Variants in DYNC2H1 observed in about 807,000 individuals in gnomAD.
DYNC2H1 encodes the protein cytoplasmic dynein 2 heavy chain 1.
Under a neutral mutation model 570.0 loss-of-function variants are expected in DYNC2H1, and 410 were observed. The observed-to-expected ratio is 0.72, with a 90% CI of 0.66 to 0.78. The LOEUF (loss-of-function observed/expected upper bound fraction) is 0.78. DYNC2H1 is among the 30% of genes least tolerant of loss of function. The pLI, the probability that DYNC2H1 is intolerant of heterozygous loss-of-function variation, is 0.00. For synonymous variants in DYNC2H1, 1,688 were observed against 1,677.6 expected (o/e 1.01, Z -0.15); for missense variants, 4,865 against 5,046.4 (o/e 0.96, Z 1.09).
chr11:103,257,397 AG>A (rs1463955021), intron 68 of DYNC2H1, among the ~76,000 whole-genome samples: 1 of 152,204 alleles, frequency 6.6e-6, no homozygotes, highest in African/African-American at 2.4e-5. Flanking sequence ...TATTCTTTGC[AG>A]TTTTATAAAA....
intron 84 of DYNC2H1, among the ~76,000 whole-genome samples, chr11:103,413,634 CTTTG>C (rs1462374300): frequency 2.0e-5 from 3 of 152,136 alleles, no homozygotes; most frequent in Non-Finnish European, 2.9e-5. Flanking sequence ...CAGTTATCAG[CTTTG>C]TTTGTTTGAA....
Position 103,204,573 on chromosome 11 carries a change from ACAC to A in DYNC2H1, c.8312-244_8312-242del, listed in dbSNP as rs1862851228. 6.6e-6 allele frequency among the ~76,000 whole-genome samples: 1 copy of A among 152,152 alleles called. No homozygotes were observed. On this transcript the variant is annotated intron_variant, in intron 51 of 88. Transcript: ENST00000375735. The surrounding 1 kb of genome is among the most constrained non-coding windows in gnomAD (Gnocchi z 4.1). ...ATAAGTAAAAAATGAGGCAATAATC[ACAC>A]CACCCAGACATTATGACACTTACAT... is the stretch of plus-strand genomic sequence containing the variant.
At chr11:103,408,092 A>G (rs751331661) in intron 84 of DYNC2H1, 3 of 151,948 alleles carry the variant, frequency 2.0e-5, no homozygotes, top group Non-Finnish European at 4.4e-5. Flanking sequence ...TAAAATTAAT[A>G]AGAGGATCCG....
Position 103,255,628 on chromosome 11 carries a change from A to G in DYNC2H1, c.10326+94A>G, listed in dbSNP as rs1000762945. 51 of 1,323,380 alleles carry G rather than the reference A, an allele frequency of 3.9e-5. 1 individual carries two copies. The highest frequency in any genetic ancestry group is 4.8e-5 in the Non-Finnish European group (48 of 998,186). 82.0% of individuals were successfully genotyped at this position (1,323,380 alleles called of 1,614,324 possible). On this transcript the variant is annotated intron_variant, in intron 67 of 88. Transcript: ENST00000375735. The stretch of plus-strand genomic sequence containing the variant: ...TTTGGAAAATTAATAGTATCTTCAG[A>G]TTTTTTTTTCCAAAGACATATTAGT...
rs1461017292 is a variant in DYNC2H1 at position 103,472,748 on chromosome 11, T to C, written c.12765+4043T>C. ...AGGAATTGTAATCTCCATTTTAAAG[T>C]AGAAAATGGAGGTTTAAAAGATTAT... On this transcript the variant is annotated intron_variant, in intron 88 of 88. Transcript: ENST00000375735. This position sits in a 1 kb window ranked among gnomAD's most constrained non-coding sequence, Gnocchi z 4.1. Among the ~76,000 whole-genome samples the C allele has an allele frequency of 1.3e-5, 2 of 152,098 alleles. No individual in the cohort carries two copies.
rs550255734 is a variant in DYNC2H1 at position 103,439,832 on chromosome 11, A to G, written c.12456+3800A>G. On this transcript the variant is annotated intron_variant, in intron 85 of 88. Coordinates refer to ENST00000375735, the MANE Select transcript of DYNC2H1 (RefSeq NM_001377.3). This position sits in a 1 kb window ranked among gnomAD's most constrained non-coding sequence, Gnocchi z 4.1. The stretch of plus-strand genomic sequence containing the variant: ...AACAAATGAATGGACTGGACAGATT[A>G]CTCTCTTTGGGGAACTTAGAATTAT... Among the ~76,000 whole-genome samples, 20 of 152,192 alleles carry G rather than the reference A, an allele frequency of 1.3e-4. No individual in the cohort carries two copies. The highest frequency in any genetic ancestry group is 4.6e-4 in the African/African-American group (19 of 41,516).
rs75994449 is a variant in DYNC2H1, at chr11:103,173,848, A to G, written c.5559-207A>G. Among the ~76,000 whole-genome samples the G allele has an allele frequency of 0.02, 3,066 of 152,230 alleles. 45 individuals carry two copies. The highest frequency in any genetic ancestry group is 0.058 in the Middle Eastern group (17 of 292). On this transcript the variant is annotated intron_variant, in intron 35 of 88. Transcript: ENST00000375735. ...CATTAAGATAATTAGCTTGTTCATA[A>G]AAGCTTTATCCTACCCTTGAGAACC...
intron 66 of DYNC2H1, among the ~76,000 whole-genome samples, chr11:103,253,675 ACT>A (rs1201877287): frequency 2.0e-5 from 3 of 152,182 alleles, no homozygotes; most frequent in African/African-American, 7.2e-5. Context: ...TTTTAATATA[ACT>A]CTAATTTTAA....
rs116787428 is a variant in DYNC2H1, at chr11:103,264,326, A to G, written c.10695+4349A>G. On this transcript the variant is annotated intron_variant, in intron 70 of 88. Coordinates refer to ENST00000375735, the MANE Select transcript of DYNC2H1 (RefSeq NM_001377.3). The surrounding 1 kb of genome is among the most constrained non-coding windows in gnomAD (Gnocchi z 4.8). ...TCTGAAACTATTCCATGCAATAGAAAAAGAGGGACCCCTACCTAACTCATT... is the reference window on the plus strand; with the variant it reads ...TCTGAAACTATTCCATGCAATAGAAGAAGAGGGACCCCTACCTAACTCATT... Among the ~76,000 whole-genome samples, 1,793 of 152,338 alleles carry G rather than the reference A, an allele frequency of 0.012. 37 individuals carry two copies. The highest frequency in any genetic ancestry group is 0.04 in the African/African-American group (1,662 of 41,576).
intron 31 of DYNC2H1, 77 bp from the exon 32 acceptor site, chr11:103,168,678 C>A: frequency 7.2e-7 from 1 of 1,397,892 alleles, no homozygotes; most frequent in Non-Finnish European, 9.9e-7. Context: ...GAGAAATCAC[C>A]TGTACACGTA....
rs1860554359 is a variant in DYNC2H1 at position 103,151,744 on chromosome 11, C to CT, written c.2947-390dup. ...TCGGATAATTTAGTTAACTTATGCT[C>CT]TTAGATAATCACTAATTTTAGCTCC... On this transcript the variant is annotated intron_variant, in intron 20 of 88. Transcript: ENST00000375735. This position sits in a 1 kb window ranked among gnomAD's most constrained non-coding sequence, Gnocchi z 4.6. 6.6e-6 allele frequency among the ~76,000 whole-genome samples: 1 copy of CT among 152,112 alleles called. No individual in the cohort carries two copies. Among genetic ancestry groups the CT allele is most frequent in the South Asian group, 2.1e-4 (1 of 4,834 alleles).
intron 61 of DYNC2H1, among the ~76,000 whole-genome samples, chr11:103,235,377 G>A (rs1040316579): frequency 6.6e-6 from 1 of 151,792 alleles, no homozygotes; most frequent in Non-Finnish European, 1.5e-5. Context: ...ACAAAGTGGT[G>A]CAAACTCACA....
intron 83 of DYNC2H1, among the ~76,000 whole-genome samples, chr11:103,388,817 G>A (rs186033785): frequency 2.6e-4 from 39 of 152,248 alleles, no homozygotes; most frequent in Admixed American, 3.9e-4. Flanking sequence ...ATTGATTTGC[G>A]TATGTTGTAC....
At chr11:103,467,539 T>C (rs1473069358) in intron 87 of DYNC2H1, among the ~76,000 whole-genome samples, 1 of 142,208 alleles carries the variant, frequency 7.0e-6, no homozygotes, top group Non-Finnish European at 1.5e-5. Flanking sequence ...TTGTTTTGTT[T>C]TGTTTTGTTT....
At chr11:103,424,508 G>A (rs1943598736) in intron 84 of DYNC2H1, among the ~76,000 whole-genome samples, 1 of 152,086 alleles carries the variant, frequency 6.6e-6, no homozygotes, top group Non-Finnish European at 1.5e-5. Flanking sequence ...ATACTTATTT[G>A]TGAATGTTCA....
Position 103,243,688 on chromosome 11 carries a change from A to G in DYNC2H1, c.9820-5A>G. ...AAACATTACTTTTCCTTTTTTTTATACTAGAGTCGAGTGTGCCCATTTCTT... is the reference window on the plus strand; with the variant it reads ...AAACATTACTTTTCCTTTTTTTTATGCTAGAGTCGAGTGTGCCCATTTCTT... On this transcript the variant is annotated splice_region_variant and splice_polypyrimidine_tract_variant and intron_variant, in intron 63 of 88. Transcript: ENST00000375735. This position sits in a 1 kb window ranked among gnomAD's most constrained non-coding sequence, Gnocchi z 4.8. The G allele has an allele frequency of 6.3e-7, 1 of 1,583,110 alleles. No individual in the cohort carries two copies.
In DYNC2H1 at chr11:103,325,959, T is replaced by C. The variant is rs368912227; in HGVS notation, c.12039+1969T>C. 5.9e-5 allele frequency among the ~76,000 whole-genome samples: 9 copies of C among 152,260 alleles called. No homozygotes were observed. The highest frequency in any genetic ancestry group is 5.8e-4 in the East Asian group (3 of 5,168). ...TTCTCTGATTCTCATCTGGTGGGGC[T>C]GGCGTTCCTTTAACTCTGATGCAAG... On this transcript the variant is annotated intron_variant, in intron 82 of 88. Transcript: ENST00000375735. The surrounding 1 kb of genome is among the most constrained non-coding windows in gnomAD (Gnocchi z 4.8).
intron 73 of DYNC2H1, among the ~76,000 whole-genome samples, chr11:103,285,740 A>G (rs1015531095): frequency 2.6e-5 from 4 of 152,000 alleles, no homozygotes; most frequent in African/African-American, 9.7e-5. Flanking sequence ...GAGGAATTTG[A>G]TTAGATATTC....
chr11:103,140,702 G>A (rs1859864633), intron 17 of DYNC2H1, among the ~76,000 whole-genome samples: 1 of 152,114 alleles, frequency 6.6e-6, no homozygotes, highest in South Asian at 2.1e-4. Flanking sequence ...CTCTTCTCGA[G>A]GAGTATCTTT....
Sources: allele counts gnomAD v4.1 joint callset (sites outside exome capture counted in the v4.1 genomes callset), GRCh38; gene constraint gnomAD v4.1.1; non-coding constraint Gnocchi (gnomAD v3.1); transcripts MANE v1.5; gene names NCBI Gene and HGNC (gene_info 2026-07-23, HGNC 2026-07-21).